DCHS1: variants seen among roughly 807,000 people sequenced by gnomAD.
DCHS1 encodes the protein dachsous cadherin-related 1, also known as protocadherin-16.
DCHS1 carries 78 observed loss-of-function variants against 213.9 expected under a neutral mutation model. That is an observed-to-expected ratio of 0.36 (90% CI 0.30 to 0.44). The LOEUF (loss-of-function observed/expected upper bound fraction) is 0.44, where lower values mean the gene tolerates loss of function less well. Among genes scored for constraint, DCHS1 ranks in the 20% least tolerant of loss-of-function variants. The pLI, the probability that DCHS1 is intolerant of heterozygous loss-of-function variation, is 1.00. For missense variants in DCHS1, 3,946 were observed against 4,395.9 expected (o/e 0.90, Z 2.89); for synonymous variants, 1,828 against 1,873.7 (o/e 0.98, Z 0.63).
Position 6,622,698 on chromosome 11 carries a change from G to A in DCHS1, c.8978C>T (p.Pro2993Leu), listed in dbSNP as rs1229714567. ...GTGCTCAGAGGGTGGTGGACTAGGTGGCTCCCGGCCCAGTTTCTGCAGTGA... is the reference window on the plus strand; with the variant it reads ...GTGCTCAGAGGGTGGTGGACTAGGTAGCTCCCGGCCCAGTTTCTGCAGTGA... ...SDSLQKLGREPPSPPPSEHLY... is the reference protein window; with the variant it reads ...SDSLQKLGRELPSPPPSEHLY... Residue 2993 changes from proline (P) to leucine (L), a missense_variant, in exon 21 of 21, where the codon CCA becomes CTA. Physicochemically the swap from Pro to Leu is moderately conservative, Grantham distance 98. Coordinates refer to ENST00000299441, the MANE Select transcript of DCHS1 (RefSeq NM_003737.4). The surrounding 1 kb of genome is among the most constrained non-coding windows in gnomAD (Gnocchi z 5.4). The A allele has an allele frequency of 6.3e-7, 1 of 1,592,654 alleles. No individual in the cohort carries two copies.
At chr11:6,634,831 TGA>T (rs1855965703) in intron 2 of DCHS1, 1 of 152,128 alleles carries the variant, frequency 6.6e-6, no homozygotes, top group Non-Finnish European at 1.5e-5. Context: ...TTTACAAGCA[TGA>T]GAGCCCAAAT....
In DCHS1 at chr11:6,623,289, G is replaced by C. The variant is rs1297215836; in HGVS notation, c.8387C>G (p.Ser2796Cys). Residue 2796 changes from serine to cysteine, a missense_variant, in exon 21 of 21, where the codon TCT becomes TGT. Transcript: ENST00000299441. ...GAADAGNLSA[S>C]VTVSVLVTGE... is the part of the protein sequence containing the mutation. ...AGTCACTAGCACCGACACAGTGACA[G>C]AGGCTGAGAGATTCCCAGCATCAGC... The C allele has an allele frequency of 3.1e-6, 5 of 1,588,188 alleles. No individual in the cohort carries two copies. In the South Asian group the frequency reaches 5.7e-5, roughly 18 times the overall value.
At chr11:6,638,455 T>C (rs139313998) in intron 2 of DCHS1, among the ~76,000 whole-genome samples, 12 of 152,332 alleles carry the variant, frequency 7.9e-5, no homozygotes, top group South Asian at 2.1e-4. Flanking sequence ...CCCGACTCTT[T>C]CTCATTAGTA....
At position 6,623,581 on chromosome 11, in the gene DCHS1, C is replaced by T. The variant is rs1040630141; in HGVS notation, c.8095G>A (p.Val2699Met). ...LAPVTIEVQD[V>M]NDHGPAFPLN... Reference sequence around the variant, plus strand: ...GGGAAGGCTGGGCCATGATCATTCACATCCTGGACCTCAATTGTCACTGGT... The same window carrying T: ...GGGAAGGCTGGGCCATGATCATTCATATCCTGGACCTCAATTGTCACTGGT... The change falls in exon 21 of 21, where the codon GTG becomes ATG. Residue 2699 changes from valine (V) to methionine (M), a missense_variant. Around this residue, in one of 3 missense-constraint regions of DCHS1, gnomAD observed 3,384 missense variants for 3,780.1 expected, o/e 0.90. Coordinates refer to ENST00000299441, the MANE Select transcript of DCHS1 (RefSeq NM_003737.4). The T allele has an allele frequency of 1.6e-5, 26 of 1,613,732 alleles. No individual in the cohort carries two copies. Among genetic ancestry groups the T allele is most frequent in the Non-Finnish European group, 2.0e-5 (24 of 1,179,840 alleles).
Position 6,627,185 on chromosome 11 carries a change from C to G in DCHS1, c.5854G>C (p.Asp1952His). 6 of 1,612,844 alleles carry G rather than the reference C, an allele frequency of 3.7e-6. No homozygotes were observed. Among genetic ancestry groups the G allele is most frequent in the Non-Finnish European group, 5.1e-6 (6 of 1,179,534 alleles). ...TTVSVTITVR[D>H]VNDHAPTFPT... is the part of the protein sequence containing the mutation. The stretch of plus-strand genomic sequence containing the variant: ...AAGGTGGGTGCATGGTCATTGACAT[C>G]GCGCACCGTGATGGTGACAGACACT... The change falls in exon 14 of 21, where the codon GAT becomes CAT. Residue 1952 changes from aspartate to histidine, a missense_variant. Asp to His is a moderately conservative substitution (Grantham distance 81). Coordinates refer to ENST00000299441, the MANE Select transcript of DCHS1 (RefSeq NM_003737.4). The surrounding 1 kb of genome is among the most constrained non-coding windows in gnomAD (Gnocchi z 5.4).
At position 6,630,814 on chromosome 11, in the gene DCHS1, C is replaced by A; in HGVS notation, c.3980G>T (p.Arg1327Leu). 1 of 1,534,572 alleles carries A rather than the reference C, an allele frequency of 6.5e-7. No individual in the cohort carries two copies. Among genetic ancestry groups the A allele is most frequent in the South Asian group, 1.2e-5 (1 of 83,156 alleles). Reference protein sequence around the residue: ...LAEPPPDLAERDPAAPVPVVL... With the variant: ...LAEPPPDLAELDPAAPVPVVL... Reference sequence around the variant, plus strand: ...GACAGGCACTGGTGCCGCTGGGTCCCGCTCTGCGAGATCTGGGGGCGGCTC... The same window carrying A: ...GACAGGCACTGGTGCCGCTGGGTCCAGCTCTGCGAGATCTGGGGGCGGCTC... Residue 1327 changes from arginine (R) to leucine (L), a missense_variant, in exon 10 of 21, where the codon CGG becomes CTG. This residue lies in a region of DCHS1 where 3,384 missense variants were observed against 3,780.1 expected (regional missense o/e 0.90). Transcript: ENST00000299441.
intron 1 of DCHS1, among the ~76,000 whole-genome samples, chr11:6,643,780 G>C (rs1589962110): frequency 6.6e-6 from 1 of 152,152 alleles, no homozygotes; most frequent in Admixed American, 6.5e-5. Flanking sequence ...GACCTCTGGA[G>C]ACACATGTCC....
Position 6,630,691 on chromosome 11 carries a change from G to T in DCHS1, c.4103C>A (p.Thr1368Lys). 2 of 1,544,176 alleles carry T rather than the reference G, an allele frequency of 1.3e-6. No homozygotes were observed. The highest frequency in any genetic ancestry group is 8.7e-7 in the Non-Finnish European group (1 of 1,147,614). ...CTCGGGATCGGCACCGCCCACCAGT[G>T]TGTAGGTGAGTGCACCCACACCCGC... is the stretch of plus-strand genomic sequence containing the variant. ...EPAGVGALTY[T>K]LVGGADPEGT... Residue 1368 changes from threonine to lysine, a missense_variant, in exon 10 of 21, where the codon ACA becomes AAA. Thr to Lys is a moderately conservative substitution (Grantham distance 78, BLOSUM62 -1). Transcript: ENST00000299441.
At chr11:6,649,339 A>C (rs1412120255) in intron 1 of DCHS1, among the ~76,000 whole-genome samples, 1 of 151,866 alleles carries the variant, frequency 6.6e-6, no homozygotes, top group African/African-American at 2.4e-5. Flanking sequence ...AAGGAGAATG[A>C]TCAAAGTTCT....
chr11:6,643,505 G>A lies in DCHS1; in HGVS notation c.-120-1772C>T, dbSNP rs529267212. 4.6e-5 allele frequency among the ~76,000 whole-genome samples: 7 copies of A among 152,008 alleles called. No individual in the cohort carries two copies. The East Asian group carries it at 9.7e-4, about 21-fold the overall frequency. Reference sequence around the variant, plus strand: ...TGGCTCCTTGAAATCTCTTCTCCTCGGTTTCACACTGTGACCCCCACCTCT... The same window carrying A: ...TGGCTCCTTGAAATCTCTTCTCCTCAGTTTCACACTGTGACCCCCACCTCT... On this transcript the variant is annotated intron_variant, in intron 1 of 20. Transcript: ENST00000299441.
chr11:6,622,348 C>A lies in DCHS1; in HGVS notation c.9328G>T (p.Glu3110Ter). The A allele has an allele frequency of 6.3e-7, 1 of 1,593,778 alleles. No homozygotes were observed. Among genetic ancestry groups the A allele is most frequent in the Non-Finnish European group, 8.5e-7 (1 of 1,170,512 alleles). ...PGAGATLYRE[E>*]GPPATATAFL... ...GCTGTGGCAGTGGCTGGGGGCCCCT[C>A]CTCTCTGTAGAGAGTGGCTCCTGCA... Residue 3110 changes from glutamate (E) to a stop codon, truncating the protein, a stop_gained, in exon 21 of 21, where the codon GAG (glutamate) becomes TAG (stop). Coordinates refer to ENST00000299441, the MANE Select transcript of DCHS1 (RefSeq NM_003737.4). LOFTEE classifies it high-confidence loss of function. The surrounding 1 kb of genome is among the most constrained non-coding windows in gnomAD (Gnocchi z 5.4).
In DCHS1 at chr11:6,623,651, A is replaced by G. The variant is rs764581250; in HGVS notation, c.8025T>C (p.Leu2675=). 2 of 1,613,830 alleles carry G rather than the reference A, an allele frequency of 1.2e-6. No individual in the cohort carries two copies. Among genetic ancestry groups the G allele is most frequent in the Non-Finnish European group, 8.5e-7 (1 of 1,179,884 alleles). The change falls in exon 21 of 21, where the codon CTT becomes CTC. Residue 2675 remains leucine, a synonymous_variant. Coordinates refer to ENST00000299441, the MANE Select transcript of DCHS1 (RefSeq NM_003737.4). Reference sequence around the variant, plus strand: ...CAGCAGGGTCAGCAGCCTGTACTACAAGCTGATGTCGAGCCTGGGTCTCAC... The same window carrying G: ...CAGCAGGGTCAGCAGCCTGTACTACGAGCTGATGTCGAGCCTGGGTCTCAC... The part of the protein sequence containing the change: ...LDCETQARHQ[L]VVQAADPAGA...
intron 2 of DCHS1, among the ~76,000 whole-genome samples, chr11:6,637,044 A>G (rs771478050): frequency 6.6e-6 from 1 of 152,196 alleles, no homozygotes; most frequent in East Asian, 1.9e-4. Context: ...TGGTATATCA[A>G]TCAACCAGGG....
At position 6,632,775 on chromosome 11, in the gene DCHS1, T is replaced by G; in HGVS notation, c.2737A>C (p.Ile913Leu). 1 of 1,613,658 alleles carries G rather than the reference T, an allele frequency of 6.2e-7. No homozygotes were observed. Among genetic ancestry groups the G allele is most frequent in the Non-Finnish European group, 8.5e-7 (1 of 1,179,748 alleles). The change falls in exon 6 of 21, where the codon ATC becomes CTC. Residue 913 changes from isoleucine to leucine, a missense_variant. Ile to Leu is a conservative substitution (Grantham distance 5). This residue lies in a region of DCHS1 where 3,384 missense variants were observed against 3,780.1 expected (regional missense o/e 0.90). Transcript: ENST00000299441. The surrounding 1 kb of genome is among the most constrained non-coding windows in gnomAD (Gnocchi z 5.9). ...LPPNTAPGTP[I>L]YTLRALDPDS... ...GGGTCAAGAGCCCGCAGTGTATAGA[T>G]GGGAGTCCCTGGGGCAGTGTTTGGT... is the stretch of plus-strand genomic sequence containing the variant.
Position 6,655,773 on chromosome 11 carries a change from C to A in DCHS1, c.-331G>T, listed in dbSNP as rs1241261130. On this transcript the variant is annotated 5_prime_UTR_variant, in exon 1 of 21. Coordinates refer to ENST00000299441, the MANE Select transcript of DCHS1 (RefSeq NM_003737.4). Reference sequence around the variant, plus strand: ...GTCCGCTGACGCCCGGGCGCCGCCTCCTGCACAGCCGCCCCGCCGAGGATG... The same window carrying A: ...GTCCGCTGACGCCCGGGCGCCGCCTACTGCACAGCCGCCCCGCCGAGGATG... 5.2e-5 allele frequency: 51 copies of A among 980,680 alleles called. 1 individual carries two copies. In the South Asian group the frequency reaches 2.2e-3, roughly 43 times the overall value. 60.7% of individuals were successfully genotyped at this position (980,680 alleles called of 1,614,324 possible).
rs746256155 is a variant in DCHS1 at position 6,633,435 on chromosome 11, A to G, written c.2432T>C (p.Ile811Thr). 18 of 1,560,948 alleles carry G rather than the reference A, an allele frequency of 1.2e-5. No individual in the cohort carries two copies. The highest frequency in any genetic ancestry group is 1.6e-5 in the Non-Finnish European group (18 of 1,151,752). Reference protein sequence around the residue: ...EDVAPGTSVGIVQAHNPPGRL... With the variant: ...EDVAPGTSVGTVQAHNPPGRL... The stretch of plus-strand genomic sequence containing the variant: ...ACCTGGTGGGTTGTGTGCCTGGACT[A>G]TGCCCACACTGGTGCCTGGTGCCAC... Residue 811 changes from isoleucine (I) to threonine (T), a missense_variant, in exon 5 of 21, where the codon ATA becomes ACA. Physicochemically the swap from Ile to Thr is moderately conservative, Grantham distance 89. Coordinates refer to ENST00000299441, the MANE Select transcript of DCHS1 (RefSeq NM_003737.4).
At position 6,625,667 on chromosome 11, in the gene DCHS1, C is replaced by T. The variant is rs116909245; in HGVS notation, c.6792G>A (p.Thr2264=). 5.4e-3 allele frequency: 8,661 copies of T among 1,613,354 alleles called. 63 individuals are homozygous for T. Among genetic ancestry groups the T allele is most frequent in the Non-Finnish European group, 4.7e-3 (5,489 of 1,179,784 alleles). ...TGTCATTGGTGTCGATGACCATCAC[C>T]GTCAAGGTAGCTGAGCCCACCAGGG... ...SPALVGSATL[T]VMVIDTNDNR... Residue 2264 remains threonine, a synonymous_variant, in exon 18 of 21, where the codon ACG becomes ACA. Transcript: ENST00000299441. The surrounding 1 kb of genome is among the most constrained non-coding windows in gnomAD (Gnocchi z 5.3).
chr11:6,654,951 C>G (rs1187809687), intron 1 of DCHS1, among the ~76,000 whole-genome samples: 1 of 151,664 alleles, frequency 6.6e-6, no homozygotes, highest in Non-Finnish European at 1.5e-5. Context: ...GACACAAACT[C>G]CCAGTTGCTC....
chr11:6,625,141 T>G lies in DCHS1; in HGVS notation c.7146+57A>C. 2.0e-6 allele frequency: 3 copies of G among 1,528,024 alleles called. No individual in the cohort carries two copies. Among genetic ancestry groups the G allele is most frequent in the Non-Finnish European group, 2.6e-6 (3 of 1,138,668 alleles). The allele number at this position is 1,528,024 out of a possible 1,614,324, so 94.7% of individuals were successfully genotyped here. ...CTCAGCAGCTGCTAGCTCTGATACT[T>G]CCCTCCAACAGGAACAACCCAGGCC... is the stretch of plus-strand genomic sequence containing the variant. On this transcript the variant is annotated intron_variant, in intron 19 of 20. Coordinates refer to ENST00000299441, the MANE Select transcript of DCHS1 (RefSeq NM_003737.4). The surrounding 1 kb of genome is among the most constrained non-coding windows in gnomAD (Gnocchi z 5.3).
Sources: gnomAD v4.1 joint callset for allele counts (sites outside exome capture counted in the v4.1 genomes callset) on GRCh38, gnomAD v4.1.1 for gene constraint, gnomAD v4.1.1 regional missense constraint, Gnocchi (gnomAD v3.1) non-coding constraint, MANE v1.5 for transcripts, NCBI Gene and HGNC (gene_info 2026-07-23, HGNC 2026-07-21) for gene names.